The following NTRK2 variants were observed in gnomAD, a reference collection of about 807,000 sequenced individuals.
NTRK2 encodes BDNF/NT-3 growth factors receptor.
Under a neutral mutation model 94.5 loss-of-function variants are expected in NTRK2, and 13 were observed. That is an observed-to-expected ratio of 0.14 (90% CI 0.09 to 0.22). The LOEUF (loss-of-function observed/expected upper bound fraction) is 0.22, where lower values mean the gene tolerates loss of function less well. Ranked by LOEUF, NTRK2 falls within the 10% of genes least tolerant of loss-of-function variation. NTRK2 has a pLI of 1.00. For missense variants in NTRK2, 639 were observed against 1,071.2 expected (o/e 0.60, Z 5.63); for synonymous variants, 372 against 407.4 (o/e 0.91, Z 1.05).
rs1222942834 is a variant in NTRK2 at position 84,934,225 on chromosome 9, GAA to G, written c.1700_1701del (p.Lys567SerfsTer5). 1 of 1,614,026 alleles carries G rather than the reference GAA, an allele frequency of 6.2e-7. No individual in the cohort carries two copies. Among genetic ancestry groups the G allele is most frequent in the Non-Finnish European group, 8.5e-7 (1 of 1,179,942 alleles). ...AGGGAGCTAGGCGAAGGAGCCTTTGGAAAAGTGTTCCTAGCTGAATGCTATAA... is the reference window on the plus strand; with the variant it reads ...AGGGAGCTAGGCGAAGGAGCCTTTGGAAGTGTTCCTAGCTGAATGCTATAA... On this transcript the variant is annotated frameshift_variant, in exon 15 of 19. Transcript: ENST00000277120. LOFTEE classifies it high-confidence loss of function.
intron 17 of NTRK2, among the ~76,000 whole-genome samples, chr9:84,962,037 T>C (rs1356801961): frequency 1.3e-5 from 2 of 152,208 alleles, no homozygotes; most frequent in Non-Finnish European, 2.9e-5. Flanking sequence ...CTTGAGGCTA[T>C]TATCACATTT....
At chr9:84,714,437 G>A (rs1031043269) in intron 6 of NTRK2, among the ~76,000 whole-genome samples, 5 of 152,146 alleles carry the variant, frequency 3.3e-5, no homozygotes, top group African/African-American at 1.2e-4. Flanking sequence ...TCAGCGATGT[G>A]CCTTCTCACT....
chr9:84,922,251 A>G (rs931222466), intron 14 of NTRK2, among the ~76,000 whole-genome samples: 11 of 152,194 alleles, frequency 7.2e-5, no homozygotes, highest in African/African-American at 2.7e-4. Context: ...CATCCTGGAA[A>G]TGTCACAATT....
At chr9:84,889,501 A>G (rs778711967) in intron 14 of NTRK2, among the ~76,000 whole-genome samples, 1 of 152,104 alleles carries the variant, frequency 6.6e-6, no homozygotes, top group African/African-American at 2.4e-5. Context: ...CAACCTCCAC[A>G]TCCTGGGTTC....
chr9:84,799,951 A>C (rs1186735330), intron 12 of NTRK2, among the ~76,000 whole-genome samples: 1 of 152,194 alleles, frequency 6.6e-6, no homozygotes, highest in Non-Finnish European at 1.5e-5. Flanking sequence ...ATAGTAAAAC[A>C]TTTACTTTCT....
At chr9:84,814,703 T>A (rs2133612358) in intron 12 of NTRK2, 1 of 1,064,464 alleles carries the variant, frequency 9.4e-7, no homozygotes, top group Non-Finnish European at 1.1e-6. Flanking sequence ...GTTTATTTCA[T>A]CTTGTTTTGT....
chr9:84,695,007 A>G (rs1356423775), intron 2 of NTRK2, among the ~76,000 whole-genome samples: 2 of 146,662 alleles, frequency 1.4e-5, no homozygotes, highest in African/African-American at 5.1e-5. Flanking sequence ...GTGAGCCGAG[A>G]TCGCGCCACT....
chr9:84,851,595 G>A (rs1009730710), intron 12 of NTRK2, among the ~76,000 whole-genome samples: 7 of 152,216 alleles, frequency 4.6e-5, no homozygotes, highest in African/African-American at 1.7e-4. Context: ...GACTTTGGCT[G>A]GATTCGAATG....
At chr9:84,772,016 T>C (rs1020007453) in intron 12 of NTRK2, among the ~76,000 whole-genome samples, 2 of 152,182 alleles carry the variant, frequency 1.3e-5, no homozygotes, top group African/African-American at 4.8e-5. Flanking sequence ...CTCCAAGCTT[T>C]CCTATGTTCT....
intron 12 of NTRK2, among the ~76,000 whole-genome samples, chr9:84,794,854 A>G (rs2069117955): frequency 6.6e-6 from 1 of 152,140 alleles, no homozygotes; most frequent in African/African-American, 2.4e-5. Context: ...ATGTGTTTCC[A>G]CCTCTCTATA....
intron 14 of NTRK2, chr9:84,876,879 T>C: frequency 2.8e-6 from 3 of 1,062,882 alleles, no homozygotes; most frequent in Non-Finnish European, 3.4e-6. Flanking sequence ...TTGTTCTGGG[T>C]TGATGGCAAA....
At chr9:84,723,812 A>G (rs1430585787) in intron 7 of NTRK2, 103 bp downstream of exon 7, 1 of 1,480,592 alleles carries the variant, frequency 6.8e-7, no homozygotes, top group African/African-American at 1.4e-5. Flanking sequence ...TTATAAGGCT[A>G]CATATAGAAA....
chr9:84,900,879 A>G (rs972555365), intron 14 of NTRK2, among the ~76,000 whole-genome samples: 1 of 152,222 alleles, frequency 6.6e-6, no homozygotes, highest in African/African-American at 2.4e-5. Context: ...TTCAGTACAG[A>G]AACTTTTTTT....
At chr9:84,944,169 G>A (rs1002410609) in intron 15 of NTRK2, among the ~76,000 whole-genome samples, 2 of 149,384 alleles carry the variant, frequency 1.3e-5, no homozygotes, top group African/African-American at 2.5e-5. Context: ...TTTCAGGTTG[G>A]CGTTTCAAAA....
At chr9:84,847,933 T>A in intron 12 of NTRK2, among the ~76,000 whole-genome samples, 1 of 152,182 alleles carries the variant, frequency 6.6e-6, no homozygotes, top group African/African-American at 2.4e-5. Flanking sequence ...GACATTTATT[T>A]TCTCATAGTT....
chr9:84,855,181 T>C (rs1226055833), intron 12 of NTRK2, among the ~76,000 whole-genome samples: 1 of 152,066 alleles, frequency 6.6e-6, no homozygotes, highest in Admixed American at 6.6e-5. Flanking sequence ...AGCAGGTGAA[T>C]GCAATAATCT....
At chr9:84,746,244 A>G (rs1212514038) in intron 11 of NTRK2, among the ~76,000 whole-genome samples, 1 of 152,204 alleles carries the variant, frequency 6.6e-6, no homozygotes, top group African/African-American at 2.4e-5. Context: ...TTTATTGTCC[A>G]TGAACAGAGT....
intron 2 of NTRK2, among the ~76,000 whole-genome samples, chr9:84,678,641 G>A (rs1336042228): frequency 1.3e-5 from 2 of 152,090 alleles, no homozygotes; most frequent in Non-Finnish European, 2.9e-5. Context: ...GGAGGGTGCT[G>A]GGCAAGAGAG....
intron 2 of NTRK2, among the ~76,000 whole-genome samples, chr9:84,698,536 G>A (rs2060530219): frequency 6.6e-6 from 1 of 152,108 alleles, no homozygotes; most frequent in Non-Finnish European, 1.5e-5. Context: ...CCATATGTGA[G>A]AACTTCTCTT....
Sources: allele counts gnomAD v4.1 joint callset (sites outside exome capture counted in the v4.1 genomes callset), GRCh38; gene constraint gnomAD v4.1.1; transcripts MANE v1.5; gene names NCBI Gene and HGNC (gene_info 2026-07-23, HGNC 2026-07-21).